The following LGR6 variants were observed in gnomAD, a reference collection of about 807,000 sequenced individuals.
LGR6 encodes the protein leucine rich repeat containing G protein-coupled receptor 6, also known as leucine-rich repeat-containing G protein-coupled receptor 6.
Under a neutral mutation model 69.4 loss-of-function variants are expected in LGR6, and 45 were observed. The observed-to-expected ratio is 0.65, with a 90% CI of 0.51 to 0.83. The LOEUF (loss-of-function observed/expected upper bound fraction) is 0.83, where lower values mean the gene tolerates loss of function less well. Ranked by LOEUF, LGR6 falls within the 40% of genes least tolerant of loss-of-function variation. LGR6 has a pLI of 0.00. For missense variants in LGR6, 1,108 were observed against 1,246.7 expected, an observed-to-expected ratio of 0.89 and a Z score of 1.68; for synonymous variants, 538 against 555.0, an observed-to-expected ratio of 0.97 and a Z score of 0.43.
chr1:202,227,355 T>C (rs181350330), intron 2 of LGR6, among the ~76,000 whole-genome samples: 110 of 152,304 alleles, frequency 7.2e-4, no homozygotes, highest in Non-Finnish European at 3.4e-4. Flanking sequence ...TTGCATTTGC[T>C]CCTTTTAGAA....
At chr1:202,295,378 A>G (rs914794708) in intron 6 of LGR6, among the ~76,000 whole-genome samples, 10 of 151,592 alleles carry the variant, frequency 6.6e-5, no homozygotes. Flanking sequence ...CTTCCATGTC[A>G]TTTATGGGAA....
chr1:202,242,497 C>T (rs950502793), intron 4 of LGR6, among the ~76,000 whole-genome samples: 4 of 152,148 alleles, frequency 2.6e-5, no homozygotes, highest in Admixed American at 6.5e-5. Flanking sequence ...ACAGATGTCC[C>T]GAGTGAATAT....
rs184492816 is a variant in LGR6, at chr1:202,287,139, G to C, written c.716+6287G>C. ...CCTCCCATATCTGTAGGAAGGAGGA[G>C]CTGGTAAGAATTAAAGATTACCACT... On this transcript the variant is annotated intron_variant, in intron 6 of 17. Coordinates refer to ENST00000367278, the MANE Select transcript of LGR6 (RefSeq NM_001017403.2). Among the ~76,000 whole-genome samples, 19 of 152,274 alleles carry C rather than the reference G, an allele frequency of 1.2e-4. No homozygotes were observed. In the East Asian group the frequency reaches 3.5e-3, roughly 28 times the overall value.
At chr1:202,280,182 C>G (rs1558058856) in intron 5 of LGR6, among the ~76,000 whole-genome samples, 1 of 152,104 alleles carries the variant, frequency 6.6e-6, no homozygotes, top group Non-Finnish European at 1.5e-5. Context: ...TCGGGTCCCC[C>G]TTTGCCTGGA....
At chr1:202,292,066 C>T (rs745612249) in intron 6 of LGR6, among the ~76,000 whole-genome samples, 1 of 151,920 alleles carries the variant, frequency 6.6e-6, no homozygotes, top group African/African-American at 2.4e-5. Context: ...GCATGAGGGG[C>T]GCAAGTAACT....
At chr1:202,292,147 G>A (rs1666839975) in intron 6 of LGR6, among the ~76,000 whole-genome samples, 1 of 152,226 alleles carries the variant, frequency 6.6e-6, no homozygotes, top group Non-Finnish European at 1.5e-5. Context: ...GATTAGTTAA[G>A]GGCATCGGAG....
rs139694106 is a variant in LGR6, at chr1:202,318,122, G to A, written c.1819G>A (p.Ala607Thr). ...VKFVVGAIAG[A>T]NTLTGISCGL... ...GTTTGTGGTAGGTGCGATTGCAGGCGCCAACACCTTGACTGGCATTTCCTG... is the reference window on the plus strand; with the variant it reads ...GTTTGTGGTAGGTGCGATTGCAGGCACCAACACCTTGACTGGCATTTCCTG... Residue 607 changes from alanine to threonine, a missense_variant, in exon 18 of 18, where the codon GCC (alanine) becomes ACC (threonine). Transcript: ENST00000367278. 6.5e-4 allele frequency: 1,050 copies of A among 1,614,120 alleles called. 12 individuals are homozygous for A. The East Asian group carries it at 0.018, about 28-fold the overall frequency.
chr1:202,296,407 G>A (rs74827825), intron 6 of LGR6, among the ~76,000 whole-genome samples: 2,176 of 152,234 alleles, frequency 0.014, 62 homozygotes, highest in African/African-American at 0.049. Context: ...ATCTCATTAC[G>A]TAACAGGGAG....
chr1:202,269,214 T>C (rs1366902380), intron 4 of LGR6, among the ~76,000 whole-genome samples: 2 of 152,160 alleles, frequency 1.3e-5, no homozygotes. Flanking sequence ...CTGAGATTCT[T>C]GGTAAACACA....
chr1:202,281,416 A>G (rs1036264283), intron 6 of LGR6, among the ~76,000 whole-genome samples: 1 of 152,304 alleles, frequency 6.6e-6, no homozygotes, highest in African/African-American at 2.4e-5. Context: ...TCAAAAAGCC[A>G]TATTATTCAC....
chr1:202,203,486 G>A (rs1658907997), intron 1 of LGR6, among the ~76,000 whole-genome samples: 1 of 152,204 alleles, frequency 6.6e-6, no homozygotes, highest in Admixed American at 6.5e-5. Context: ...CATGCCCCTT[G>A]TTAATAACCA....
chr1:202,219,004 A>G (rs772385083), intron 1 of LGR6, among the ~76,000 whole-genome samples: 3 of 152,158 alleles, frequency 2.0e-5, no homozygotes, highest in African/African-American at 7.2e-5. Context: ...ACAGAAGCCC[A>G]TGGGAAAACA....
intron 1 of LGR6, among the ~76,000 whole-genome samples, chr1:202,205,186 AC>A (rs1202923261): frequency 4.8e-3 from 83 of 17,136 alleles, no homozygotes; most frequent in Non-Finnish European, 6.6e-3. Flanking sequence ...TCAAACACAC[AC>A]CCTCGAAACA....
intron 4 of LGR6, among the ~76,000 whole-genome samples, chr1:202,273,131 G>T (rs189312426): frequency 6.6e-6 from 1 of 152,326 alleles, no homozygotes; most frequent in African/African-American, 2.4e-5. Context: ...GTAAAATGGG[G>T]CTAATCAGAG....
chr1:202,291,466 C>T (rs1666786739), intron 6 of LGR6, among the ~76,000 whole-genome samples: 1 of 152,184 alleles, frequency 6.6e-6, no homozygotes, highest in African/African-American at 2.4e-5. Context: ...CTACCAAGGC[C>T]AAAGGAGCCC....
intron 5 of LGR6, among the ~76,000 whole-genome samples, chr1:202,278,615 G>A (rs1480327285): frequency 6.6e-6 from 1 of 152,158 alleles, no homozygotes; most frequent in Non-Finnish European, 1.5e-5. Flanking sequence ...GGTGACCTGT[G>A]AAGTGGACAG....
chr1:202,297,838 C>A (rs971222521), intron 7 of LGR6, among the ~76,000 whole-genome samples: 2 of 152,134 alleles, frequency 1.3e-5, no homozygotes, highest in African/African-American at 4.8e-5. Flanking sequence ...CCTGGGAAAA[C>A]CCATGGCACA....
At position 202,319,165 on chromosome 1, in the gene LGR6, C is replaced by T. The variant is rs56234832; in HGVS notation, c.2862C>T (p.Gly954=). Residue 954 remains glycine, a synonymous_variant, in exon 18 of 18, where the codon GGC becomes GGT. Transcript: ENST00000367278. The part of the protein sequence containing the change: ...TPAGGGLSGG[G]GFQPSGLAFA... The stretch of plus-strand genomic sequence containing the variant: ...CAGGTGGAGGCTTGTCAGGGGGTGG[C>T]GGCTTTCAGCCCTCTGGCTTGGCCT... 182,898 of 1,612,314 alleles carry T rather than the reference C, an allele frequency of 0.11. 11,350 individuals are homozygous for T. The highest frequency in any genetic ancestry group is 0.17 in the Middle Eastern group (1,047 of 5,992).
In LGR6 at chr1:202,194,215, G is replaced by A. The variant is rs1343240464; in HGVS notation, c.212+14G>A. On this transcript the variant is annotated intron_variant, in intron 1 of 17. Coordinates refer to ENST00000367278, the MANE Select transcript of LGR6 (RefSeq NM_001017403.2). ...GACGGCTTACCTGTGAGTACTGCCC[G>A]CCTGTCCCCGCCTGGTCCTGCGGGC... is the stretch of plus-strand genomic sequence containing the variant. 6 of 1,520,706 alleles carry A rather than the reference G, an allele frequency of 3.9e-6. No individual in the cohort carries two copies. Among genetic ancestry groups the A allele is most frequent in the East Asian group, 2.5e-5 (1 of 40,228 alleles). 94.2% of individuals were successfully genotyped at this position (1,520,706 alleles called of 1,614,324 possible).
Sources: gnomAD v4.1 joint callset for allele counts (sites outside exome capture counted in the v4.1 genomes callset) on GRCh38, gnomAD v4.1.1 for gene constraint, MANE v1.5 for transcripts, NCBI Gene and HGNC (gene_info 2026-07-23, HGNC 2026-07-21) for gene names.